Variants in MEIS2 observed in about 807,000 individuals in gnomAD.
MEIS2 encodes Meis homeobox 2.
Under a neutral mutation model 58.6 loss-of-function variants are expected in MEIS2, and 9 were observed. The observed-to-expected ratio is 0.15, with a 90% CI of 0.09 to 0.27. The LOEUF is 0.27. Among genes scored for constraint, MEIS2 ranks in the 10% least tolerant of loss-of-function variants. The pLI is 1.00. For missense variants in MEIS2, 427 were observed against 635.0 expected (o/e 0.67, Z 3.52); for synonymous variants, 221 against 228.4 (o/e 0.97, Z 0.29).
At position 36,962,171 on chromosome 15, in the gene MEIS2, T is replaced by C. The variant is rs184189743; in HGVS notation, c.901-11771A>G. Among the ~76,000 whole-genome samples the C allele has an allele frequency of 3.2e-3, 494 of 152,360 alleles. 4 individuals are homozygous for C. Among genetic ancestry groups the C allele is most frequent in the Non-Finnish European group, 5.8e-3 (395 of 68,026 alleles). On this transcript the variant is annotated intron_variant, in intron 8 of 11. Coordinates refer to ENST00000561208, the MANE Select transcript of MEIS2 (RefSeq NM_170675.5). Reference sequence around the variant, plus strand: ...GTTAAACAATTGTTTTTCTGAATGATGGTCAAAACTCTCTAGCATTTCTGA... The same window carrying C: ...GTTAAACAATTGTTTTTCTGAATGACGGTCAAAACTCTCTAGCATTTCTGA...
chr15:36,967,157 C>T (rs2059383117), intron 8 of MEIS2, among the ~76,000 whole-genome samples: 1 of 152,158 alleles, frequency 6.6e-6, no homozygotes, highest in African/African-American at 2.4e-5. Context: ...GAGTTTTCTA[C>T]ATCAATCCTG....
intron 8 of MEIS2, among the ~76,000 whole-genome samples, chr15:36,952,168 ACTGACGCCAGTGT>A (rs2058774093): frequency 6.6e-6 from 1 of 152,120 alleles, no homozygotes; most frequent in South Asian, 2.1e-4. Context: ...ATTGCTCATC[ACTGACGCCAGTGT>A]GGCTTCAAAC....
chr15:36,894,510 C>T (rs774095729), intron 11 of MEIS2: 43 of 409,310 alleles, frequency 1.1e-4, no homozygotes, highest in East Asian at 4.8e-4. Context: ...TTAAAACACA[C>T]GCAGGCTTGT....
At chr15:36,945,442 T>C (rs2058528098) in intron 9 of MEIS2, among the ~76,000 whole-genome samples, 1 of 152,056 alleles carries the variant, frequency 6.6e-6, no homozygotes, top group Admixed American at 6.6e-5. Context: ...TCTCCTTTTG[T>C]GTCAGCATCA....
Position 36,994,788 on chromosome 15 carries a change from G to A in MEIS2, c.900+42026C>T, listed in dbSNP as rs1212422823. 2.0e-5 allele frequency among the ~76,000 whole-genome samples: 3 copies of A among 152,170 alleles called. No individual in the cohort carries two copies. The East Asian group carries it at 5.8e-4, about 29-fold the overall frequency. The stretch of plus-strand genomic sequence containing the variant: ...ATAGAACCATGAATTATATTCCACA[G>A]CATCCCTTTTAAAGTGCGTTTTTTC... On this transcript the variant is annotated intron_variant, in intron 8 of 11. Coordinates refer to ENST00000561208, the MANE Select transcript of MEIS2 (RefSeq NM_170675.5).
chr15:37,025,090 G>T (rs914175261), intron 8 of MEIS2, among the ~76,000 whole-genome samples: 5 of 152,126 alleles, frequency 3.3e-5, no homozygotes, highest in Non-Finnish European at 7.4e-5. Flanking sequence ...CCCCATTCCA[G>T]ACTTAGGGCA....
chr15:37,063,951 C>G (rs1365474922), intron 7 of MEIS2, among the ~76,000 whole-genome samples: 2 of 152,112 alleles, frequency 1.3e-5, no homozygotes, highest in African/African-American at 4.8e-5. Context: ...TCAAACAGTT[C>G]TTAGGCTAGA....
intron 7 of MEIS2, among the ~76,000 whole-genome samples, chr15:37,048,636 G>A (rs2062778480): frequency 6.6e-6 from 1 of 151,982 alleles, no homozygotes; most frequent in South Asian, 2.1e-4. Context: ...GAAAACAAAA[G>A]AATATTTTAA....
chr15:37,008,034 C>T (rs571495795), intron 8 of MEIS2, among the ~76,000 whole-genome samples: 28 of 152,282 alleles, frequency 1.8e-4, no homozygotes, highest in Middle Eastern at 3.4e-3. Context: ...AATGTTAAAT[C>T]GAACGCAGAG....
At chr15:37,071,222 A>T (rs1312928113) in intron 7 of MEIS2, among the ~76,000 whole-genome samples, 1 of 152,138 alleles carries the variant, frequency 6.6e-6, no homozygotes, top group Non-Finnish European at 1.5e-5. Flanking sequence ...GATGCCTAAA[A>T]CATAGAAACT....
At chr15:36,976,425 A>T (rs1197217896) in intron 8 of MEIS2, among the ~76,000 whole-genome samples, 1 of 150,890 alleles carries the variant, frequency 6.6e-6, no homozygotes, top group South Asian at 2.1e-4. Flanking sequence ...TGGAAATGTA[A>T]GTGGGTAAGA....
At chr15:37,083,908 T>A (rs776927996) in intron 6 of MEIS2, 23 bp from the exon 7 acceptor site, 7 of 1,603,084 alleles carry the variant, frequency 4.4e-6, no homozygotes, top group Non-Finnish European at 6.0e-6. Flanking sequence ...TACCAAGGAA[T>A]TTTTCCACAG....
chr15:36,970,821 G>A (rs997204045), intron 8 of MEIS2, among the ~76,000 whole-genome samples: 1 of 152,198 alleles, frequency 6.6e-6, no homozygotes. Context: ...CTGAGGCTAA[G>A]GAGAAAGCAA....
intron 9 of MEIS2, among the ~76,000 whole-genome samples, chr15:36,934,741 A>G (rs1376907937): frequency 1.1e-4 from 16 of 152,182 alleles, no homozygotes; most frequent in Admixed American, 9.8e-4. Flanking sequence ...TTCCAAGTGT[A>G]TGTGGTTACA....
chr15:37,080,042 G>T (rs1891985737), intron 7 of MEIS2, among the ~76,000 whole-genome samples: 1 of 152,074 alleles, frequency 6.6e-6, no homozygotes, highest in African/African-American at 2.4e-5. Context: ...TGAATTGTAA[G>T]GAAGGCCCCA....
intron 8 of MEIS2, among the ~76,000 whole-genome samples, chr15:37,031,764 G>A (rs2141716185): frequency 1.3e-5 from 2 of 148,640 alleles, no homozygotes; most frequent in South Asian, 4.3e-4. Flanking sequence ...AAAGGCAGAG[G>A]TTTTAGAATC....
At chr15:36,899,894 C>CA (rs1229325052) in intron 9 of MEIS2, among the ~76,000 whole-genome samples, 17 of 152,072 alleles carry the variant, frequency 1.1e-4, no homozygotes, top group Non-Finnish European at 1.6e-4. Flanking sequence ...AGGGTCTTGG[C>CA]AAAAAACATT....
chr15:36,998,102 C>T (rs1278395952), intron 8 of MEIS2, among the ~76,000 whole-genome samples: 1 of 152,134 alleles, frequency 6.6e-6, no homozygotes, highest in Non-Finnish European at 1.5e-5. Context: ...GGCCATTTTC[C>T]TCACGACGGG....
intron 7 of MEIS2, among the ~76,000 whole-genome samples, chr15:37,041,971 G>A (rs1049799880): frequency 6.6e-6 from 1 of 152,102 alleles, no homozygotes; most frequent in Admixed American, 6.5e-5. Context: ...GAGCTTGGGA[G>A]TTTGAGACCA....
Sources: allele counts gnomAD v4.1 joint callset (sites outside exome capture counted in the v4.1 genomes callset), GRCh38; gene constraint gnomAD v4.1.1; transcripts MANE v1.5; gene names NCBI Gene and HGNC (gene_info 2026-07-23, HGNC 2026-07-21).